Variants in SLC30A8 observed in about 807,000 individuals in gnomAD.
SLC30A8 encodes solute carrier family 30 member 8.
SLC30A8 carries 27 observed loss-of-function variants against 36.9 expected under a neutral mutation model. The observed-to-expected ratio is 0.73, with a 90% confidence interval of 0.54 to 1.01. SLC30A8 has a LOEUF of 1.01. SLC30A8 is among the 50% of genes least tolerant of loss of function. The pLI is 0.00. For missense variants in SLC30A8, 439 were observed against 452.0 expected (o/e 0.97, Z 0.26); for synonymous variants, 164 against 172.4 (o/e 0.95, Z 0.38).
intron 2 of SLC30A8, among the ~76,000 whole-genome samples, chr8:117,072,839 T>A (rs1301452750): frequency 2.8e-5 from 2 of 70,592 alleles, no homozygotes; most frequent in Non-Finnish European, 2.8e-5. Flanking sequence ...TCCTACTACT[T>A]TTTTTTTTTT....
intron 1 of SLC30A8, among the ~76,000 whole-genome samples, chr8:116,997,438 A>G (rs1815859546): frequency 2.0e-5 from 3 of 152,210 alleles, no homozygotes; most frequent in South Asian, 2.1e-4. Flanking sequence ...CACAGCTGCT[A>G]GATTATTTAC....
exon 1 of SLC30A8, chr8:116,951,116 C>T (rs1322328763): frequency 1.3e-5 from 2 of 152,128 alleles, no homozygotes; most frequent in Non-Finnish European, 2.9e-5. Flanking sequence ...CTTTGTGATA[C>T]CTGGTGAGTC....
chr8:117,100,538 C>A (rs1188860133), intron 2 of SLC30A8, among the ~76,000 whole-genome samples: 1 of 152,146 alleles, frequency 6.6e-6, no homozygotes, highest in African/African-American at 2.4e-5. Context: ...TTAGAGCAGG[C>A]AATGGAGTAC....
rs181687339 is a variant in SLC30A8, at chr8:116,993,053, A to T, written c.-266+41934A>T. 3.2e-4 allele frequency among the ~76,000 whole-genome samples: 48 copies of T among 152,248 alleles called. No individual in the cohort carries two copies. The East Asian group carries it at 8.7e-3, about 28-fold the overall frequency. ...GTCTTAAAGAAAACATAGCCAAATT[A>T]TTAGTGGGGGAAAATCTGTCAAAAT... On this transcript the variant is annotated intron_variant, in intron 1 of 10. Coordinates refer to the SLC30A8 transcript ENST00000427715.
At chr8:117,086,737 C>T (rs541165523) in intron 2 of SLC30A8, among the ~76,000 whole-genome samples, 34 of 152,272 alleles carry the variant, frequency 2.2e-4, no homozygotes, top group Middle Eastern at 6.8e-3. Flanking sequence ...CTATTTATGC[C>T]ACATCTACTA....
Position 117,173,844 on chromosome 8 carries a change from TATC to T in SLC30A8, c.*1166_*1168del, listed in dbSNP as rs1364937468. The T allele has an allele frequency of 6.6e-6, 1 of 152,154 alleles. No individual in the cohort carries two copies. Among genetic ancestry groups the T allele is most frequent in the African/African-American group, 2.4e-5 (1 of 41,452 alleles). 9.4% of individuals were successfully genotyped at this position (152,154 alleles called of 1,614,324 possible). A position where few individuals can be genotyped will look rare whatever the true frequency, so the allele number is the denominator to read the frequency against. ...ACACATACATTGGCAGCTACAATAGTATCATGAATTGCAATGATGTAGTGGGGT... is the reference window on the plus strand; with the variant it reads ...ACACATACATTGGCAGCTACAATAGTATGAATTGCAATGATGTAGTGGGGT... On this transcript the variant is annotated 3_prime_UTR_variant, in exon 8 of 8. Coordinates refer to ENST00000456015, the MANE Select transcript of SLC30A8 (RefSeq NM_173851.3).
intron 2 of SLC30A8, among the ~76,000 whole-genome samples, chr8:117,112,844 A>G (rs1204304884): frequency 6.6e-6 from 1 of 151,916 alleles, no homozygotes; most frequent in Non-Finnish European, 1.5e-5. Context: ...AAGTGTGATC[A>G]CATGCAGTTT....
At chr8:117,132,566 A>G (rs1424704803), upstream of SLC30A8, among the ~76,000 whole-genome samples, 2 of 151,986 alleles carry the variant, frequency 1.3e-5, no homozygotes, top group African/African-American at 4.8e-5. Context: ...GCCCACTAAA[A>G]CCAATGTCTA....
intron 1 of SLC30A8, among the ~76,000 whole-genome samples, chr8:116,977,481 A>AT: frequency 7.3e-6 from 1 of 137,858 alleles, no homozygotes; most frequent in East Asian, 2.2e-4. Flanking sequence ...ATGGGAGTTT[A>AT]TTGTAGACAC....
At chr8:117,018,256 A>AC (rs1816585309) in intron 1 of SLC30A8, 2 of 150,958 alleles carry the variant, frequency 1.3e-5, no homozygotes, top group Non-Finnish European at 2.9e-5. Context: ...TCTTATAAAT[A>AC]AATACATACA....
At chr8:117,138,070 A>G (rs1433583157) in intron 1 of SLC30A8, among the ~76,000 whole-genome samples, 1 of 150,652 alleles carries the variant, frequency 6.6e-6, no homozygotes, top group Non-Finnish European at 1.5e-5. Flanking sequence ...CAAAAAAAAA[A>G]AAAAAAAAAA....
intron 1 of SLC30A8, among the ~76,000 whole-genome samples, chr8:116,990,295 C>T (rs1489492255): frequency 6.6e-6 from 1 of 151,614 alleles, no homozygotes; most frequent in Non-Finnish European, 1.5e-5. Context: ...AATATGGCTT[C>T]TGAAGAATAG....
intron 1 of SLC30A8, among the ~76,000 whole-genome samples, chr8:116,979,713 C>G (rs772308052): frequency 2.6e-5 from 4 of 152,120 alleles, no homozygotes; most frequent in Admixed American, 2.0e-4. Flanking sequence ...CTCACTTGTC[C>G]CGGGAGAGGT....
chr8:117,172,615 C>G lies in SLC30A8; in HGVS notation c.1044C>G (p.Thr348=), dbSNP rs1264662797. Residue 348 remains threonine, a synonymous_variant, in exon 8 of 8, where the codon ACC becomes ACG. Transcript: ENST00000456015. ...AAAGCTTTACGATGCACTCACTCAC[C>G]ATTCAGATGGAATCTCCAGTTGACC... ...LSKSFTMHSL[T]IQMESPVDQD... The G allele has an allele frequency of 2.5e-6, 4 of 1,613,738 alleles. No individual in the cohort carries two copies. Among genetic ancestry groups the G allele is most frequent in the Non-Finnish European group, 3.4e-6 (4 of 1,179,716 alleles).
intron 2 of SLC30A8, among the ~76,000 whole-genome samples, chr8:117,111,267 A>G (rs1443492729): frequency 6.6e-6 from 1 of 152,184 alleles, no homozygotes; most frequent in African/African-American, 2.4e-5. Context: ...ATATAAGAAA[A>G]GATAGGTAGC....
At chr8:117,061,109 G>A (rs1322517440) in intron 2 of SLC30A8, among the ~76,000 whole-genome samples, 1 of 152,214 alleles carries the variant, frequency 6.6e-6, no homozygotes, top group African/African-American at 2.4e-5. Context: ...AGATGGAAGA[G>A]TATAAATTGA....
rs75089838 is a variant in SLC30A8 at position 117,121,778 on chromosome 8, T to C, written c.-225-13502T>C. Among the ~76,000 whole-genome samples, 82 of 152,024 alleles carry C rather than the reference T, an allele frequency of 5.4e-4. 2 individuals carry two copies. In the East Asian group the frequency reaches 0.014, roughly 27 times the overall value. On this transcript the variant is annotated intron_variant, in intron 2 of 10. Coordinates refer to the SLC30A8 transcript ENST00000427715. ...ACTGCATGATTCCATTCATACAAGG[T>C]GTCTAAAACAGTCAAACTGAGAAGC...
At chr8:117,035,239 C>T (rs543344234) in intron 1 of SLC30A8, among the ~76,000 whole-genome samples, 3 of 152,318 alleles carry the variant, frequency 2.0e-5, no homozygotes, top group African/African-American at 7.2e-5. Context: ...TTTCTTCTAC[C>T]TAGGAGCCTG....
chr8:116,954,964 T>A (rs1814137183), intron 1 of SLC30A8, among the ~76,000 whole-genome samples: 1 of 152,202 alleles, frequency 6.6e-6, no homozygotes, highest in Non-Finnish European at 1.5e-5. Context: ...TCCATTGTTA[T>A]AAGTGGGCAT....
Sources: allele counts gnomAD v4.1 joint callset (sites outside exome capture counted in the v4.1 genomes callset), GRCh38; gene constraint gnomAD v4.1.1; transcripts MANE v1.5; gene names NCBI Gene and HGNC (gene_info 2026-07-23, HGNC 2026-07-21).